FIG4: variants seen among roughly 807,000 people sequenced by gnomAD.
FIG4 encodes FIG4 phosphoinositide 5-phosphatase, also known as polyphosphoinositide phosphatase.
A neutral mutation model predicts 118.6 loss-of-function variants in FIG4; 112 were observed. The ratio of observed to expected loss-of-function variants is 0.94; its 90% CI spans 0.81 to 1.11. The LOEUF is 1.11. Among genes scored for constraint, FIG4 ranks in the 50% least tolerant of loss-of-function variants. The pLI, the probability that FIG4 is intolerant of heterozygous loss-of-function variation, is 0.00. For synonymous variants in FIG4, 369 were observed against 381.2 expected, an observed-to-expected ratio of 0.97 and a Z score of 0.37; for missense variants, 969 against 1,111.7, an observed-to-expected ratio of 0.87 and a Z score of 1.83.
intron 1 of FIG4, among the ~76,000 whole-genome samples, chr6:109,700,593 T>C (rs958713921): frequency 6.6e-6 from 1 of 152,210 alleles, no homozygotes; most frequent in African/African-American, 2.4e-5. Flanking sequence ...AGAGGTTGAG[T>C]ATCCCTAATC....
chr6:109,719,508 T>A (rs895152791), intron 3 of FIG4, among the ~76,000 whole-genome samples: 5 of 152,050 alleles, frequency 3.3e-5, no homozygotes, highest in African/African-American at 1.2e-4. Context: ...CTCAGGCTCC[T>A]GAGTAGCTGG....
chr6:109,762,328 G>T (rs112474411), intron 12 of FIG4, 121 bp downstream of exon 12: 2 of 700,340 alleles, frequency 2.9e-6, no homozygotes, highest in Middle Eastern at 3.5e-4. Context: ...GAGGCACACT[G>T]CTCACATGAC....
In FIG4 at chr6:109,691,517, C is replaced by G; in HGVS notation, c.66+16C>G. The G allele has an allele frequency of 6.4e-7, 1 of 1,562,628 alleles. No individual in the cohort carries two copies. The highest frequency in any genetic ancestry group is 8.7e-7 in the Non-Finnish European group (1 of 1,152,380). ...GACTAGAGCTGTGAGTACCCCCTCGCGGCGGGGCGCAGGCGGGAGGATGGA... is the reference window on the plus strand; with the variant it reads ...GACTAGAGCTGTGAGTACCCCCTCGGGGCGGGGCGCAGGCGGGAGGATGGA... On this transcript the variant is annotated intron_variant, in intron 1 of 22. Transcript: ENST00000230124.
chr6:109,807,497 C>A (rs947853787), intron 22 of FIG4, among the ~76,000 whole-genome samples: 5 of 152,136 alleles, frequency 3.3e-5, no homozygotes, highest in African/African-American at 1.2e-4. Flanking sequence ...CTTGTAGATT[C>A]TGGATATTAG....
At chr6:109,738,578 C>G in intron 7 of FIG4, 125 bp downstream of exon 7, 2 of 857,164 alleles carry the variant, frequency 2.3e-6, no homozygotes, top group Non-Finnish European at 3.9e-6. Context: ...GAAAACCTGC[C>G]CATGATACTA....
intron 16 of FIG4, among the ~76,000 whole-genome samples, chr6:109,781,346 G>A (rs112663716): frequency 6.6e-6 from 1 of 152,178 alleles, no homozygotes; most frequent in African/African-American, 2.4e-5. Context: ...TTCTTCAGCT[G>A]TTCCTCATAT....
chr6:109,818,438 G>A (rs1203084998), intron 22 of FIG4, among the ~76,000 whole-genome samples: 2 of 152,078 alleles, frequency 1.3e-5, no homozygotes, highest in East Asian at 3.9e-4. Flanking sequence ...GACCTCAGGT[G>A]ATCTGCCTGC....
At chr6:109,702,791 C>T (rs1774943502) in intron 1 of FIG4, among the ~76,000 whole-genome samples, 1 of 152,180 alleles carries the variant, frequency 6.6e-6, no homozygotes, top group Non-Finnish European at 1.5e-5. Context: ...CTAGTTCTTA[C>T]TACAAATTTG....
intron 3 of FIG4, among the ~76,000 whole-genome samples, chr6:109,724,910 AGTGTTAACT>A (rs1562647122): frequency 3.3e-5 from 5 of 151,818 alleles, no homozygotes; most frequent in African/African-American, 1.2e-4. Flanking sequence ...ACAGTACAGC[AGTGTTAACT>A]GTATGCATCT....
chr6:109,723,795 C>T (rs1583650992), intron 3 of FIG4, among the ~76,000 whole-genome samples: 1 of 152,274 alleles, frequency 6.6e-6, no homozygotes, highest in South Asian at 2.1e-4. Context: ...CCAGAGCTGT[C>T]AGCAGTTGTG....
intron 10 of FIG4, among the ~76,000 whole-genome samples, chr6:109,752,342 G>C (rs950218762): frequency 2.0e-5 from 3 of 151,036 alleles, no homozygotes; most frequent in African/African-American, 7.4e-5. Flanking sequence ...GTAGTCCTTT[G>C]GGTATATACC....
chr6:109,721,646 A>T (rs1244870526), intron 3 of FIG4, among the ~76,000 whole-genome samples: 1 of 152,144 alleles, frequency 6.6e-6, no homozygotes, highest in Non-Finnish European at 1.5e-5. Context: ...TAGAATGAAG[A>T]TGAAGAAACT....
chr6:109,725,833 A>G (rs1487357933), intron 3 of FIG4, among the ~76,000 whole-genome samples: 1 of 152,020 alleles, frequency 6.6e-6, no homozygotes, highest in African/African-American at 2.4e-5. Context: ...TTTGATTTGC[A>G]TTTCTTTAAT....
chr6:109,704,328 T>C (rs945037317), intron 1 of FIG4, among the ~76,000 whole-genome samples: 3 of 152,180 alleles, frequency 2.0e-5, no homozygotes, highest in Middle Eastern at 3.4e-3. Context: ...ATGAGTGACA[T>C]CAATAGAAAC....
chr6:109,791,945 GTTCAA>G (rs1562687110), intron 20 of FIG4, among the ~76,000 whole-genome samples: 1 of 152,144 alleles, frequency 6.6e-6, no homozygotes, highest in Non-Finnish European at 1.5e-5. Context: ...AATTCATCCT[GTTCAA>G]TTCAATATTA....
intron 1 of FIG4, among the ~76,000 whole-genome samples, chr6:109,699,070 G>T (rs1236204458): frequency 2.6e-5 from 4 of 152,258 alleles, no homozygotes; most frequent in African/African-American, 9.6e-5. Flanking sequence ...TGTTTGCTAG[G>T]ATTCACCAGT....
chr6:109,741,657 C>G lies in FIG4; in HGVS notation c.876+113C>G. On this transcript the variant is annotated intron_variant, in intron 8 of 22. Coordinates refer to ENST00000230124, the MANE Select transcript of FIG4 (RefSeq NM_014845.6). ...GGTATTTCTTAGTTTGGGATATTAT[C>G]AAGAGAATACAGTTGCCTTTTAGTA... The G allele has an allele frequency of 3.9e-6, 3 of 774,466 alleles. No homozygotes were observed. The South Asian group carries it at 4.2e-5, about 11-fold the overall frequency. The allele number at this position is 774,466 out of a possible 1,614,324, so 48.0% of individuals were successfully genotyped here. A position where few individuals can be genotyped will look rare whatever the true frequency, so the allele number is the denominator to read the frequency against.
At chr6:109,737,386 A>G (rs1776189447) in intron 6 of FIG4, among the ~76,000 whole-genome samples, 1 of 152,184 alleles carries the variant, frequency 6.6e-6, no homozygotes, top group South Asian at 2.1e-4. Context: ...AAATTCAAAG[A>G]CATTAAGTAA....
At chr6:109,804,277 A>T (rs1778506584) in intron 22 of FIG4, among the ~76,000 whole-genome samples, 1 of 152,246 alleles carries the variant, frequency 6.6e-6, no homozygotes, top group East Asian at 1.9e-4. Flanking sequence ...CCAAATTATC[A>T]TCAGTTTTGT....
Sources: gnomAD v4.1 joint callset for allele counts (sites outside exome capture counted in the v4.1 genomes callset) on GRCh38, gnomAD v4.1.1 for gene constraint, MANE v1.5 for transcripts, NCBI Gene and HGNC (gene_info 2026-07-23, HGNC 2026-07-21) for gene names.